GLRA3: variants seen among roughly 807,000 people sequenced by gnomAD.
The protein encoded by GLRA3 is glycine receptor subunit alpha-3.
A neutral mutation model predicts 60.4 loss-of-function variants in GLRA3; 44 were observed. The observed-to-expected ratio is 0.73, with a 90% CI of 0.57 to 0.94. The LOEUF (loss-of-function observed/expected upper bound fraction) is 0.94, where lower values mean the gene tolerates loss of function less well. GLRA3 is among the 40% of genes least tolerant of loss of function. GLRA3 has a pLI of 0.00. For missense variants in GLRA3, 508 were observed against 564.6 expected (o/e 0.90, Z 1.02); for synonymous variants, 223 against 192.9 (o/e 1.16, Z -1.29).
intron 5 of GLRA3, among the ~76,000 whole-genome samples, chr4:174,685,719 T>C (rs1442945914): frequency 6.6e-6 from 1 of 152,190 alleles, no homozygotes; most frequent in Non-Finnish European, 1.5e-5. Flanking sequence ...CCATTATAAA[T>C]ACCATTTTAC....
chr4:174,674,540 A>G (rs186197660), intron 7 of GLRA3, among the ~76,000 whole-genome samples: 3 of 152,304 alleles, frequency 2.0e-5, no homozygotes, highest in Admixed American at 1.3e-4. Flanking sequence ...AGCTGGCTAA[A>G]GTACATTCTT....
intron 4 of GLRA3, 57 bp downstream of exon 4, chr4:174,728,418 A>G: frequency 1.0e-6 from 1 of 972,814 alleles, no homozygotes; most frequent in South Asian, 1.5e-5. Context: ...AAACCAACCA[A>G]CAATACACCA....
intron 3 of GLRA3, among the ~76,000 whole-genome samples, chr4:174,752,497 G>A (rs541311249): frequency 1.3e-5 from 2 of 152,240 alleles, no homozygotes; most frequent in Middle Eastern, 3.4e-3. Flanking sequence ...AAGGAGTGGA[G>A]GCAACTCCAT....
At chr4:174,730,161 C>T (rs1304711691) in intron 3 of GLRA3, among the ~76,000 whole-genome samples, 2 of 152,154 alleles carry the variant, frequency 1.3e-5, no homozygotes, top group Non-Finnish European at 2.9e-5. Flanking sequence ...ATCTCACTCG[C>T]CACAAGGATC....
At chr4:174,667,038 C>T (rs1052255126) in intron 7 of GLRA3, among the ~76,000 whole-genome samples, 7 of 151,980 alleles carry the variant, frequency 4.6e-5, no homozygotes, top group Non-Finnish European at 5.9e-5. Context: ...TACTTTGAGT[C>T]GAATGCTGAC....
At chr4:174,659,245 C>T (rs774601822) in intron 7 of GLRA3, 48 bp from the exon 8 acceptor site, 2 of 1,444,058 alleles carry the variant, frequency 1.4e-6, no homozygotes, top group South Asian at 2.5e-5. Context: ...TATATTGTTA[C>T]TTCCTTTGAG....
intron 3 of GLRA3, among the ~76,000 whole-genome samples, chr4:174,758,726 G>A (rs1455450436): frequency 4.6e-5 from 7 of 152,066 alleles, no homozygotes; most frequent in Non-Finnish European, 8.8e-5. Context: ...ACTGGGCATG[G>A]GATCTAGGAA....
chr4:174,650,958 T>C lies in GLRA3; in HGVS notation c.1116+5785A>G, dbSNP rs775650088. Among the ~76,000 whole-genome samples the C allele has an allele frequency of 1.3e-5, 2 of 152,332 alleles. 1 individual carries two copies. Among genetic ancestry groups the C allele is most frequent in the South Asian group, 4.1e-4 (2 of 4,834 alleles). On this transcript the variant is annotated intron_variant, in intron 9 of 9. Transcript: ENST00000274093. ...TCTTCCATGGACAAGTGCTAACACA[T>C]AGCTGTAGATGAAATACCTAGGGTT...
intron 2 of GLRA3, among the ~76,000 whole-genome samples, chr4:174,775,126 A>G (rs80309476): frequency 0.016 from 2,478 of 152,332 alleles, 78 homozygotes; most frequent in African/African-American, 0.056. Context: ...ATAGTTTTAG[A>G]AGAGCTTATT....
rs551988824 is a variant in GLRA3, at chr4:174,749,890, T to C, written c.267+17073A>G. On this transcript the variant is annotated intron_variant, in intron 3 of 9. Coordinates refer to ENST00000274093, the MANE Select transcript of GLRA3 (RefSeq NM_006529.4). ...CATATATGAGTGTTAGCTCCTTGGT[T>C]GGGAAAGAGTAAAAGTTCAAATATT... Among the ~76,000 whole-genome samples, 3 of 152,230 alleles carry C rather than the reference T, an allele frequency of 2.0e-5. No homozygotes were observed. The East Asian group carries it at 5.8e-4, about 29-fold the overall frequency.
At chr4:174,666,455 A>T (rs2110915066) in intron 7 of GLRA3, among the ~76,000 whole-genome samples, 1 of 152,144 alleles carries the variant, frequency 6.6e-6, no homozygotes, top group South Asian at 2.1e-4. Context: ...AATATACTAA[A>T]GTTGTTTATG....
chr4:174,665,570 T>G (rs971536207), intron 7 of GLRA3, among the ~76,000 whole-genome samples: 1 of 152,152 alleles, frequency 6.6e-6, no homozygotes, highest in African/African-American at 2.4e-5. Context: ...GATGCAAAAA[T>G]TAGTATGTCC....
intron 5 of GLRA3, among the ~76,000 whole-genome samples, chr4:174,690,064 C>A (rs139972692): frequency 8.6e-4 from 131 of 152,134 alleles, no homozygotes; most frequent in Middle Eastern, 3.4e-3. Context: ...ATGTAACTGG[C>A]GGCCATTATC....
Position 174,694,208 on chromosome 4 carries a change from A to G in GLRA3, c.575-11269T>C, listed in dbSNP as rs528683807. On this transcript the variant is annotated intron_variant, in intron 5 of 9. Transcript: ENST00000274093. ...TCAGAAAAGTAAAAAACATATTCAGAATGTAAACTCGACATTGGACCAAAA... is the reference window on the plus strand; with the variant it reads ...TCAGAAAAGTAAAAAACATATTCAGGATGTAAACTCGACATTGGACCAAAA... Among the ~76,000 whole-genome samples, 97 of 152,274 alleles carry G rather than the reference A, an allele frequency of 6.4e-4. 1 individual carries two copies. Among genetic ancestry groups the G allele is most frequent in the African/African-American group, 2.0e-3 (84 of 41,554 alleles).
intron 5 of GLRA3, among the ~76,000 whole-genome samples, chr4:174,690,877 A>G (rs535150920): frequency 1.3e-5 from 2 of 152,036 alleles, no homozygotes; most frequent in Non-Finnish European, 2.9e-5. Flanking sequence ...TCCCTTTTCT[A>G]TATGTACCAC....
chr4:174,687,663 G>C (rs938227042), intron 5 of GLRA3, among the ~76,000 whole-genome samples: 2 of 152,128 alleles, frequency 1.3e-5, no homozygotes, highest in African/African-American at 4.8e-5. Context: ...TGGAATTTTG[G>C]AGAAATTGTT....
chr4:174,755,224 T>G (rs1360959569), intron 3 of GLRA3, among the ~76,000 whole-genome samples: 1 of 152,116 alleles, frequency 6.6e-6, no homozygotes, highest in East Asian at 1.9e-4. Context: ...AATAAATACA[T>G]GCTTACATAT....
At chr4:174,734,372 A>G (rs990504191) in intron 3 of GLRA3, among the ~76,000 whole-genome samples, 2 of 152,176 alleles carry the variant, frequency 1.3e-5, no homozygotes, top group South Asian at 2.1e-4. Context: ...TGCCTATACC[A>G]TCTGCTCTAA....
intron 5 of GLRA3, among the ~76,000 whole-genome samples, chr4:174,697,753 C>A (rs1735118019): frequency 6.8e-6 from 1 of 146,168 alleles, no homozygotes; most frequent in Non-Finnish European, 1.5e-5. Context: ...TCTTAAATGA[C>A]AAACACAACA....
Sources: allele counts gnomAD v4.1 joint callset (sites outside exome capture counted in the v4.1 genomes callset), GRCh38; gene constraint gnomAD v4.1.1; transcripts MANE v1.5; gene names NCBI Gene and HGNC (gene_info 2026-07-23, HGNC 2026-07-21).